GARIN2: variants seen among roughly 807,000 people sequenced by gnomAD.
GARIN2 encodes golgi associated RAB2 interactor family member 2.
chr14:67,203,378 A>G, the GARIN2 span: 381 of 1,142,156 alleles, frequency 3.3e-4, 5 homozygotes, highest in East Asian at 8.0e-3. Flanking sequence ...ACTGATGACA[A>G]TTGCGCCAGT....
chr14:67,221,578 A>G, the GARIN2 span, among the ~76,000 whole-genome samples: 1 of 152,234 alleles, frequency 6.6e-6, no homozygotes, highest in Non-Finnish European at 1.5e-5. Context: ...TACAGATTGA[A>G]TAGTCCACAT....
chr14:67,191,477 T>C, the GARIN2 span, among the ~76,000 whole-genome samples: 1 of 152,160 alleles, frequency 6.6e-6, no homozygotes, highest in East Asian at 1.9e-4. Flanking sequence ...ACCAAGACAG[T>C]GCAACACTGG....
At chr14:67,206,442 G>A in the GARIN2 span, among the ~76,000 whole-genome samples, 4 of 152,164 alleles carry the variant, frequency 2.6e-5, no homozygotes, top group African/African-American at 7.2e-5. Flanking sequence ...GTTGCAGTGA[G>A]CCAAGATTGT....
the GARIN2 span, among the ~76,000 whole-genome samples, chr14:67,193,634 T>C: frequency 2.7e-5 from 4 of 146,960 alleles, no homozygotes; most frequent in African/African-American, 9.9e-5. Context: ...TCTATCTATA[T>C]AGATATAGAT....
chr14:67,209,836 A>G, the GARIN2 span, among the ~76,000 whole-genome samples: 1 of 151,736 alleles, frequency 6.6e-6, no homozygotes, highest in African/African-American at 2.4e-5. Context: ...AAAAAAAAAA[A>G]AAGAAACGAA....
the GARIN2 span, among the ~76,000 whole-genome samples, chr14:67,222,349 G>T: frequency 6.6e-6 from 1 of 152,158 alleles, no homozygotes; most frequent in African/African-American, 2.4e-5. Flanking sequence ...GATGTGCAGT[G>T]GTGTGATCTT....
the GARIN2 span, chr14:67,198,997 G>A: frequency 1.4e-6 from 1 of 705,394 alleles, no homozygotes. Context: ...TTTCACAGAG[G>A]GGTGACAAGG....
chr14:67,195,754 TGTG>T, the GARIN2 span, among the ~76,000 whole-genome samples: 8 of 151,414 alleles, frequency 5.3e-5, no homozygotes, highest in Non-Finnish European at 8.8e-5. Context: ...TGTGTGTGTG[TGTG>T]TTTTGAGACA....
At chr14:67,201,495 C>T in the GARIN2 span, 5 of 455,914 alleles carry the variant, frequency 1.1e-5, no homozygotes, top group East Asian at 3.5e-4. Flanking sequence ...AGAAGATATT[C>T]ATCTCATCCT....
chr14:67,208,109 T>G, the GARIN2 span: 19 of 1,531,386 alleles, frequency 1.2e-5, no homozygotes, highest in Admixed American at 1.6e-4. Context: ...TGACGATGAA[T>G]GAAATGGTGC....
chr14:67,218,267 A>C, the GARIN2 span, among the ~76,000 whole-genome samples: 3 of 152,196 alleles, frequency 2.0e-5, no homozygotes, highest in Non-Finnish European at 2.9e-5. Flanking sequence ...GTAGCAGCCT[A>C]CAGAGCTGTT....
At chr14:67,214,939 G>C in the GARIN2 span, among the ~76,000 whole-genome samples, 2 of 152,076 alleles carry the variant, frequency 1.3e-5, no homozygotes, top group African/African-American at 2.4e-5. Flanking sequence ...TTGTGAATGG[G>C]AGTTCACTCA....
chr14:67,199,533 CA>C, the GARIN2 span: 1 of 1,610,576 alleles, frequency 6.2e-7, no homozygotes, highest in Non-Finnish European at 8.5e-7. Flanking sequence ...TCAGTTGCAG[CA>C]ATTGAAGCCA....
At chr14:67,225,958 T>C in the GARIN2 span, among the ~76,000 whole-genome samples, 47 of 130,174 alleles carry the variant, frequency 3.6e-4, no homozygotes, top group African/African-American at 1.2e-3. Flanking sequence ...TGTGTGTGTG[T>C]GTGTGCGCGC....
the GARIN2 span, among the ~76,000 whole-genome samples, chr14:67,206,847 C>G: frequency 6.6e-6 from 1 of 152,022 alleles, no homozygotes; most frequent in Non-Finnish European, 1.5e-5. Flanking sequence ...TCTTATGCCT[C>G]AGCTTTCCAA....
chr14:67,193,234 A>G, the GARIN2 span, among the ~76,000 whole-genome samples: 1 of 138,562 alleles, frequency 7.2e-6, no homozygotes, highest in Non-Finnish European at 1.6e-5. Flanking sequence ...ATATCTCTAT[A>G]TAGACATCTA....
At chr14:67,222,511 A>G in the GARIN2 span, among the ~76,000 whole-genome samples, 16 of 152,280 alleles carry the variant, frequency 1.1e-4, no homozygotes, top group Middle Eastern at 6.8e-3. Flanking sequence ...CCTGATGTCC[A>G]GTGATCTGCC....
the GARIN2 span, among the ~76,000 whole-genome samples, chr14:67,192,946 ATC>A: frequency 6.8e-5 from 10 of 146,704 alleles, no homozygotes; most frequent in East Asian, 2.0e-4. Flanking sequence ...CTAGATAAAT[ATC>A]TCTATATATC....
the GARIN2 span, chr14:67,201,382 C>T: frequency 2.2e-6 from 1 of 454,304 alleles, no homozygotes; most frequent in Non-Finnish European, 4.4e-6. Flanking sequence ...CATCAGCTCA[C>T]TCCCAGTAGA....
Sources: allele counts gnomAD v4.1 joint callset (sites outside exome capture counted in the v4.1 genomes callset), GRCh38; gene constraint gnomAD v4.1.1; transcripts MANE v1.5; gene names NCBI Gene and HGNC (gene_info 2026-07-23, HGNC 2026-07-21).